Variants in DYRK1B observed in about 807,000 individuals in gnomAD.
The protein encoded by DYRK1B is dual specificity tyrosine phosphorylation regulated kinase 1B.
In DYRK1B, 20 loss-of-function variants were observed where a neutral mutation model predicts 57.1. That is an observed-to-expected ratio of 0.35 (90% CI 0.25 to 0.51). The LOEUF is 0.51. Among genes scored for constraint, DYRK1B ranks in the 20% least tolerant of loss-of-function variants. The pLI is 0.96. For missense variants in DYRK1B, 732 were observed against 886.3 expected, an observed-to-expected ratio of 0.83 and a Z score of 2.21; for synonymous variants, 409 against 384.7, an observed-to-expected ratio of 1.06 and a Z score of -0.74.
At position 39,831,818 on chromosome 19, in the gene DYRK1B, TG is replaced by T; in HGVS notation, c.49del (p.Gln17ArgfsTer72). On this transcript the variant is annotated frameshift_variant, in exon 2 of 11. Transcript: ENST00000323039. LOFTEE classifies it high-confidence loss of function. Reference protein sequence around the residue: ...HGPFSGFPGPQEHTQVLPDVR... With the variant: ...HGPFSGFPGPXEHTQVLPDVR... ...CTGAACGCGTACCTGCGTGTGCTCCTGGGGCCCTGGGAAGCCAGAGAAGGGA... is the reference window on the plus strand; with the variant it reads ...CTGAACGCGTACCTGCGTGTGCTCCTGGGCCCTGGGAAGCCAGAGAAGGGA... 6.5e-7 allele frequency: 1 copy of T among 1,545,752 alleles called. No individual in the cohort carries two copies. The highest frequency in any genetic ancestry group is 8.7e-7 in the Non-Finnish European group (1 of 1,144,870).
Position 39,826,799 on chromosome 19 carries a change from G to A in DYRK1B, c.1284C>T (p.His428=), listed in dbSNP as rs368023585. ...CGTCGGCCGTGCGGCGGAAGAAGCC[G>A]TGCTGCAGAGCCCCCAGGGGGCTGA... ...ARISPLGALQ[H]GFFRRTADEA... is the part of the protein sequence containing the mutation. Residue 428 remains histidine (H), a synonymous_variant, in exon 9 of 11, where the codon CAC becomes CAT. Transcript: ENST00000323039. This position sits in a 1 kb window ranked among gnomAD's most constrained non-coding sequence, Gnocchi z 6.3. 166 of 1,538,618 alleles carry A rather than the reference G, an allele frequency of 1.1e-4. No homozygotes were observed. Among genetic ancestry groups the A allele is most frequent in the Non-Finnish European group, 1.2e-4 (140 of 1,144,424 alleles).
Position 39,826,985 on chromosome 19 carries a change from A to G in DYRK1B, c.1098T>C (p.Asp366=). 1.2e-6 allele frequency: 1 copy of G among 856,954 alleles called. No homozygotes were observed. The highest frequency in any genetic ancestry group is 1.5e-6 in the Non-Finnish European group (1 of 655,226). The allele number at this position is 856,954 out of a possible 1,614,324, so 53.1% of individuals were successfully genotyped here. ...TLRRTKELRK[D]YQGPGTRRLQ... Reference sequence around the variant, plus strand: ...GCCGCCGTGTCCCGGGGCCCTGGTAATCCTGGCAGGGAGGGGGTGGGAGGG... The same window carrying G: ...GCCGCCGTGTCCCGGGGCCCTGGTAGTCCTGGCAGGGAGGGGGTGGGAGGG... Residue 366 remains aspartate (D), a splice_region_variant and synonymous_variant, in exon 9 of 11, where the codon GAT becomes GAC. Transcript: ENST00000323039. This position sits in a 1 kb window ranked among gnomAD's most constrained non-coding sequence, Gnocchi z 6.3.
rs1268813408 is a variant in DYRK1B, at chr19:39,828,039, C to T, written c.807+258G>A. Among the ~76,000 whole-genome samples, 1 of 152,134 alleles carries T rather than the reference C, an allele frequency of 6.6e-6. No individual in the cohort carries two copies. Among genetic ancestry groups the T allele is most frequent in the African/African-American group, 2.4e-5 (1 of 41,416 alleles). On this transcript the variant is annotated intron_variant, in intron 6 of 10. Transcript: ENST00000323039. This position sits in a 1 kb window ranked among gnomAD's most constrained non-coding sequence, Gnocchi z 4.3. ...AAGAACAGAGAAGACAAAAACTTAG[C>T]GAGGCAGCACCCCTGGCTCAAACCC...
intron 1 of DYRK1B, among the ~76,000 whole-genome samples, chr19:39,832,329 T>G (rs1315530058): frequency 6.6e-6 from 1 of 152,052 alleles, no homozygotes. Flanking sequence ...ACAGACAGTA[T>G]GCAGAGGAGT....
In DYRK1B at chr19:39,826,045, A is replaced by G; in HGVS notation, c.1560T>C (p.Asp520=). Reference sequence around the variant, plus strand: ...GGGCTTGATGTGTCTTGTGGGGCACATCACCCCCTGCCCAGGGCCGCAGCG... The same window carrying G: ...GGGCTTGATGTGTCTTGTGGGGCACGTCACCCCCTGCCCAGGGCCGCAGCG... ...SQPLRPWAGG[D]VPHKTHQAPA... The change falls in exon 11 of 11, where the codon GAT becomes GAC. Residue 520 remains aspartate, a synonymous_variant. Coordinates refer to ENST00000323039, the MANE Select transcript of DYRK1B (RefSeq NM_004714.3). This position sits in a 1 kb window ranked among gnomAD's most constrained non-coding sequence, Gnocchi z 6.3. 6.6e-7 allele frequency: 1 copy of G among 1,517,270 alleles called. No homozygotes were observed. The highest frequency in any genetic ancestry group is 1.4e-5 in the African/African-American group (1 of 71,462). The allele number at this position is 1,517,270 out of a possible 1,614,324, so 94.0% of individuals were successfully genotyped here.
chr19:39,833,200 CAAAAAA>C (rs1406636767), intron 1 of DYRK1B: 62 of 985,710 alleles, frequency 6.3e-5, no homozygotes, highest in Non-Finnish European at 7.3e-5. Flanking sequence ...GAGCTTCCCC[CAAAAAA>C]CCACCTCTTC....
Position 39,826,019 on chromosome 19 carries a change from G to T in DYRK1B, c.1586C>A (p.Pro529His), listed in dbSNP as rs373917072. 23 of 1,521,624 alleles carry T rather than the reference G, an allele frequency of 1.5e-5. No homozygotes were observed. Among genetic ancestry groups the T allele is most frequent in the Non-Finnish European group, 1.5e-5 (17 of 1,137,250 alleles). The allele number at this position is 1,521,624 out of a possible 1,614,324, so 94.3% of individuals were successfully genotyped here. A position where few individuals can be genotyped will look rare whatever the true frequency, so the allele number is the denominator to read the frequency against. ...CCCAGGCAGTGACGAGGCAGAGGCAGGGGCTTGATGTGTCTTGTGGGGCAC... is the reference window on the plus strand; with the variant it reads ...CCCAGGCAGTGACGAGGCAGAGGCATGGGCTTGATGTGTCTTGTGGGGCAC... ...GDVPHKTHQA[P>H]ASASSLPGTG... is the part of the protein sequence containing the mutation. The change falls in exon 11 of 11, where the codon CCT becomes CAT. Residue 529 changes from proline to histidine, a missense_variant. Physicochemically the swap from Pro to His is moderately conservative, Grantham distance 77. This residue lies in a region of DYRK1B where 222 missense variants were observed against 205.0 expected (regional missense o/e 1.08). Coordinates refer to ENST00000323039, the MANE Select transcript of DYRK1B (RefSeq NM_004714.3). The surrounding 1 kb of genome is among the most constrained non-coding windows in gnomAD (Gnocchi z 6.3).
At chr19:39,832,028 A>T in intron 1 of DYRK1B, 60 bp from the exon 2 acceptor site, 1 of 1,373,620 alleles carries the variant, frequency 7.3e-7, no homozygotes, top group South Asian at 1.7e-5. Context: ...GAATAGTGCC[A>T]GGCGGGGAAG....
chr19:39,833,512 G>C (rs1385490514), intron 1 of DYRK1B: 2 of 212,094 alleles, frequency 9.4e-6, no homozygotes, highest in African/African-American at 4.7e-5. Flanking sequence ...GCACGCGGGG[G>C]AAGAGTAGAG....
Position 39,825,672 on chromosome 19 carries a change from G to GGCCTTCA in DYRK1B, c.*42_*43insTGAAGGC. 1 of 1,524,920 alleles carries GGCCTTCA rather than the reference G, an allele frequency of 6.6e-7. No individual in the cohort carries two copies. 94.5% of individuals were successfully genotyped at this position (1,524,920 alleles called of 1,614,324 possible). A position where few individuals can be genotyped will look rare whatever the true frequency, so the allele number is the denominator to read the frequency against. The stretch of plus-strand genomic sequence containing the variant: ...ATGGGAGCCCAGGGCCCCCAGATGG[G>GGCCTTCA]GGAGGGTATGGCTTCAGGAGGGGCC... On this transcript the variant is annotated 3_prime_UTR_variant, in exon 11 of 11. Coordinates refer to ENST00000323039, the MANE Select transcript of DYRK1B (RefSeq NM_004714.3).
chr19:39,827,164 G>T, intron 8 of DYRK1B, 121 bp downstream of exon 8: 1 of 1,347,780 alleles, frequency 7.4e-7, no homozygotes, highest in Non-Finnish European at 1.0e-6. Flanking sequence ...GGAAGGAAAG[G>T]ACAGACAAGG....
At position 39,833,384 on chromosome 19, in the gene DYRK1B, C is replaced by G. The variant is rs564616029; in HGVS notation, c.-102+639G>C. On this transcript the variant is annotated intron_variant, in intron 1 of 10. Transcript: ENST00000323039. ...GCGCTGAAAAGGCGACCGCCTGTCT[C>G]TGGCCCGGCCGGCCCCGCGGCGGGG... The G allele has an allele frequency of 2.4e-4, 232 of 983,894 alleles. 1 individual carries two copies. The African/African-American group carries it at 2.9e-3, about 12-fold the overall frequency. The allele number at this position is 983,894 out of a possible 1,614,324, so 60.9% of individuals were successfully genotyped here. A position where few individuals can be genotyped will look rare whatever the true frequency, so the allele number is the denominator to read the frequency against.
intron 1 of DYRK1B, chr19:39,833,155 C>T: frequency 2.0e-6 from 2 of 985,704 alleles, no homozygotes; most frequent in Non-Finnish European, 2.4e-6. Context: ...TTCTCCTATT[C>T]CATGCCTTGC....
intron 1 of DYRK1B, chr19:39,833,293 CG>C (rs1258802894): frequency 4.5e-5 from 44 of 985,414 alleles, no homozygotes; most frequent in Middle Eastern, 5.2e-4. Flanking sequence ...GCGGGGCCCA[CG>C]GGGGGCTGGG....
Position 39,825,756 on chromosome 19 carries a change from C to T in DYRK1B, c.1849G>A (p.Gly617Ser). ...DDPATLGPHLGLRGVPQSTAA... is the reference protein window; with the variant it reads ...DDPATLGPHLSLRGVPQSTAA... ...GTGCTCTGGGGTACACCACGGAGGC[C>T]CAGGTGAGGCCCCAGAGTGGCAGGG... Residue 617 changes from glycine (G) to serine (S), a missense_variant, in exon 11 of 11, where the codon GGC becomes AGC. By Grantham distance (56) the Gly-to-Ser change is moderately conservative. Coordinates refer to ENST00000323039, the MANE Select transcript of DYRK1B (RefSeq NM_004714.3). The T allele has an allele frequency of 6.4e-7, 1 of 1,565,082 alleles. No homozygotes were observed. Among genetic ancestry groups the T allele is most frequent in the Non-Finnish European group, 8.7e-7 (1 of 1,155,832 alleles).
At chr19:39,827,847 T>G (rs928594792) in intron 6 of DYRK1B, among the ~76,000 whole-genome samples, 191 bp from the exon 7 acceptor site, 3 of 151,810 alleles carry the variant, frequency 2.0e-5, no homozygotes, top group Non-Finnish European at 4.4e-5. Context: ...ATCTGGGGAG[T>G]CTGCTGGCCT....
chr19:39,832,980 A>C, intron 1 of DYRK1B: 1 of 985,034 alleles, frequency 1.0e-6, no homozygotes, highest in Non-Finnish European at 1.2e-6. Flanking sequence ...ACCTTTCTCC[A>C]GGCACCCCTC....
Position 39,826,912 on chromosome 19 carries a change from C to A in DYRK1B, c.1171G>T (p.Ala391Ser), listed in dbSNP as rs1968567485. The change falls in exon 9 of 11, where the codon GCG becomes TCG. Residue 391 changes from alanine (A) to serine (S), a missense_variant. Coordinates refer to ENST00000323039, the MANE Select transcript of DYRK1B (RefSeq NM_004714.3). This position sits in a 1 kb window ranked among gnomAD's most constrained non-coding sequence, Gnocchi z 6.3. ...VQTGGPGGRR[A>S]GEPGHSPADY... Reference sequence around the variant, plus strand: ...GCGGGGCTGTGGCCCGGCTCCCCCGCCCGCCGGCCCCCGGGCCCGCCCGTC... The same window carrying A: ...GCGGGGCTGTGGCCCGGCTCCCCCGACCGCCGGCCCCCGGGCCCGCCCGTC... 1.4e-6 allele frequency: 2 copies of A among 1,418,126 alleles called. No individual in the cohort carries two copies. The highest frequency in any genetic ancestry group is 1.5e-5 in the African/African-American group (1 of 66,276). 87.8% of individuals were successfully genotyped at this position (1,418,126 alleles called of 1,614,324 possible).
rs1300592635 is a variant in DYRK1B, at chr19:39,827,333, C to A, written c.1047G>T (p.Arg349=). Residue 349 remains arginine (R), a synonymous_variant, in exon 8 of 11, where the codon CGG becomes CGT. Transcript: ENST00000323039. ...QAPKARKYFE[R]LPGGGWTLRR... ...GTAGGGTCCAGCCACCCCCAGGCAG[C>A]CGTTCAAAGTACTTGCGAGCCTTGG... The A allele has an allele frequency of 3.7e-6, 6 of 1,613,780 alleles. No individual in the cohort carries two copies. The highest frequency in any genetic ancestry group is 4.2e-6 in the Non-Finnish European group (5 of 1,179,744).
Sources: gnomAD v4.1 joint callset for allele counts (sites outside exome capture counted in the v4.1 genomes callset) on GRCh38, gnomAD v4.1.1 for gene constraint, gnomAD v4.1.1 regional missense constraint, Gnocchi (gnomAD v3.1) non-coding constraint, MANE v1.5 for transcripts, NCBI Gene and HGNC (gene_info 2026-07-23, HGNC 2026-07-21) for gene names.